The following DOCK1 variants were observed in gnomAD, a reference collection of about 807,000 sequenced individuals.
DOCK1 encodes dedicator of cytokinesis protein 1.
A neutral mutation model predicts 262.7 loss-of-function variants in DOCK1; 138 were observed. That is an observed-to-expected ratio of 0.53 (90% CI 0.46 to 0.61). DOCK1 has a LOEUF of 0.61. Among genes scored for constraint, DOCK1 ranks in the 20% least tolerant of loss-of-function variants. DOCK1 has a pLI of 0.00. For synonymous variants in DOCK1, 866 were observed against 867.4 expected (o/e 1.00, Z 0.03); for missense variants, 1,908 against 2,370.7 (o/e 0.80, Z 4.05).
intron 27 of DOCK1, among the ~76,000 whole-genome samples, chr10:127,187,402 AGAT>A (rs2056371689): frequency 6.6e-6 from 1 of 152,248 alleles, no homozygotes; most frequent in African/African-American, 2.4e-5. Flanking sequence ...CATGCTAAAA[AGAT>A]CTTGAAAAAG....
At chr10:127,052,455 C>G (rs1165101299) in intron 21 of DOCK1, among the ~76,000 whole-genome samples, 1 of 150,374 alleles carries the variant, frequency 6.7e-6, no homozygotes, top group African/African-American at 2.5e-5. Context: ...GCCCGGAAGG[C>G]AGAGGTTGCA....
At chr10:127,380,477 G>A (rs1302651503) in intron 36 of DOCK1, among the ~76,000 whole-genome samples, 1 of 152,144 alleles carries the variant, frequency 6.6e-6, no homozygotes, top group Non-Finnish European at 1.5e-5. Context: ...GAGAAATCCA[G>A]TTATAACTTT....
chr10:127,127,731 C>T lies in DOCK1; in HGVS notation c.2814C>T (p.Thr938=), dbSNP rs764743979. Residue 938 remains threonine (T), a synonymous_variant, in exon 27 of 52, where the codon ACC becomes ACT. Coordinates refer to ENST00000623213, the MANE Select transcript of DOCK1 (RefSeq NM_001290223.2). ...AACTTCTCCGGACCGTGAACCGAAC[C>T]GTCATTTCCATGGGACGAGATTCTG... is the stretch of plus-strand genomic sequence containing the variant. ...MEKLLRTVNR[T]VISMGRDSEL... The T allele has an allele frequency of 8.7e-6, 14 of 1,612,956 alleles. No individual in the cohort carries two copies. The East Asian group carries it at 8.9e-5, about 10-fold the overall frequency.
chr10:127,079,742 C>G (rs1282173063), intron 23 of DOCK1, among the ~76,000 whole-genome samples: 1 of 152,148 alleles, frequency 6.6e-6, no homozygotes, highest in Admixed American at 6.5e-5. Context: ...ATCAGCCTGA[C>G]CAATGTGGTG....
At chr10:127,217,470 G>T (rs1026213432) in intron 27 of DOCK1, among the ~76,000 whole-genome samples, 1 of 152,146 alleles carries the variant, frequency 6.6e-6, no homozygotes, top group African/African-American at 2.4e-5. Context: ...GAGACCTTGA[G>T]CTCCTAAGAT....
chr10:127,265,277 C>T (rs932565876), intron 29 of DOCK1, among the ~76,000 whole-genome samples: 10 of 152,250 alleles, frequency 6.6e-5, no homozygotes, highest in Non-Finnish European at 4.4e-5. Flanking sequence ...GTTCTATCTG[C>T]AATCAATTAA....
chr10:127,031,658 A>G lies in DOCK1; in HGVS notation c.1633A>G (p.Lys545Glu). The change falls in exon 17 of 52, where the codon AAA becomes GAA. Residue 545 changes from lysine (K) to glutamate (E), a missense_variant. Lys to Glu is a moderately conservative substitution (Grantham distance 56). Around this residue, in one of 9 missense-constraint regions of DOCK1, gnomAD observed 294 missense variants for 439.9 expected, o/e 0.67. Transcript: ENST00000623213. ...RHRSSQDSKDKSEKIFALAFV... is the reference protein window; with the variant it reads ...RHRSSQDSKDESEKIFALAFV... ...TGTTTTTTGTTTTACAGCTAAGGAT[A>G]AATCTGAGAAAATATTTGCACTAGC... The G allele has an allele frequency of 6.2e-7, 1 of 1,609,294 alleles. No homozygotes were observed. Among genetic ancestry groups the G allele is most frequent in the Non-Finnish European group, 8.5e-7 (1 of 1,179,208 alleles).
chr10:127,153,362 G>C (rs2052695945), intron 27 of DOCK1, among the ~76,000 whole-genome samples: 1 of 152,172 alleles, frequency 6.6e-6, no homozygotes, highest in Non-Finnish European at 1.5e-5. Flanking sequence ...AACAGCTGTA[G>C]GGGCTCTGGA....
At chr10:127,349,179 T>C (rs1002401543) in intron 31 of DOCK1, among the ~76,000 whole-genome samples, 1 of 151,932 alleles carries the variant, frequency 6.6e-6, no homozygotes, top group Non-Finnish European at 1.5e-5. Context: ...TTTAGGTCCA[T>C]CTCAGCCCTT....
At chr10:127,258,378 A>G (rs1329440048) in intron 29 of DOCK1, among the ~76,000 whole-genome samples, 2 of 152,258 alleles carry the variant, frequency 1.3e-5, no homozygotes, top group Non-Finnish European at 1.5e-5. Context: ...AAAATGTTAC[A>G]TAAGTGTAAT....
intron 47 of DOCK1, 43 bp from the exon 48 acceptor site, chr10:127,433,240 C>A (rs2069422891): frequency 6.2e-7 from 1 of 1,605,104 alleles, no homozygotes; most frequent in African/African-American, 1.3e-5. Flanking sequence ...ATGGCAGGCA[C>A]AGGCATCAAA....
intron 33 of DOCK1, among the ~76,000 whole-genome samples, chr10:127,362,961 CCCCACAT>C (rs2064640549): frequency 4.0e-5 from 1 of 24,756 alleles, no homozygotes; most frequent in African/African-American, 1.6e-4. Flanking sequence ...ACATGTGCAT[CCCCACAT>C]ACACATACAC....
chr10:127,397,440 TGAGTTA>T, intron 38 of DOCK1, among the ~76,000 whole-genome samples: 1 of 146,714 alleles, frequency 6.8e-6, no homozygotes, highest in African/African-American at 2.6e-5. Context: ...GATCTGAGCA[TGAGTTA>T]CAAGGGCAGT....
At chr10:127,073,191 T>G (rs1248204353) in intron 23 of DOCK1, among the ~76,000 whole-genome samples, 1 of 152,262 alleles carries the variant, frequency 6.6e-6, no homozygotes, top group Non-Finnish European at 1.5e-5. Context: ...AGGTATTGCA[T>G]GCTTATAGGT....
chr10:127,451,837 A>C lies in DOCK1; in HGVS notation c.*410A>C. Reference sequence around the variant, plus strand: ...GGAAGCTGTGTAGTGATGATGTATAAGAATCCTCCTCACTGTCATGGGATG... The same window carrying C: ...GGAAGCTGTGTAGTGATGATGTATACGAATCCTCCTCACTGTCATGGGATG... On this transcript the variant is annotated 3_prime_UTR_variant, in exon 52 of 52. Transcript: ENST00000623213. The C allele has an allele frequency of 4.7e-6, 1 of 211,426 alleles. No homozygotes were observed. Among genetic ancestry groups the C allele is most frequent in the South Asian group, 8.1e-5 (1 of 12,400 alleles). The allele number at this position is 211,426 out of a possible 1,614,324, so 13.1% of individuals were successfully genotyped here. A position where few individuals can be genotyped will look rare whatever the true frequency, so the allele number is the denominator to read the frequency against.
rs1222361357 is a variant in DOCK1, at chr10:127,027,603, C to CA, written c.1624+1187dup. ...CCTGTCTCAAAAACAAAAAGCAAAA[C>CA]AAAAAAAACATTAAACCTTCCTCCT... On this transcript the variant is annotated intron_variant, in intron 16 of 51. Coordinates refer to ENST00000623213, the MANE Select transcript of DOCK1 (RefSeq NM_001290223.2). Among the ~76,000 whole-genome samples the CA allele has an allele frequency of 1.5e-3, 14 of 9,310 alleles. 1 individual carries two copies. Among genetic ancestry groups the CA allele is most frequent in the Admixed American group, 3.8e-3 (3 of 798 alleles). 6.1% of individuals were successfully genotyped at this position (9,310 alleles called of 152,430 possible). A position where few individuals can be genotyped will look rare whatever the true frequency, so the allele number is the denominator to read the frequency against.
chr10:127,319,112 C>T (rs369272217), intron 29 of DOCK1, among the ~76,000 whole-genome samples: 2 of 152,178 alleles, frequency 1.3e-5, no homozygotes, highest in African/African-American at 4.8e-5. Flanking sequence ...GAAAAGAAAA[C>T]GAAGAAATCA....
At position 127,384,846 on chromosome 10, in the gene DOCK1, C is replaced by T. The variant is rs1565046224; in HGVS notation, c.3864C>T (p.Thr1288=). 6.2e-7 allele frequency: 1 copy of T among 1,609,450 alleles called. No individual in the cohort carries two copies. The highest frequency in any genetic ancestry group is 1.3e-5 in the African/African-American group (1 of 74,674). ...CCCAGCGGGACGGGTACCAGGCCAC[C>T]ACGCAGGGACAGCTGAAGGAGCAGC... ...HLTQRDGYQA[T]TQGQLKEQLY... is the part of the protein sequence containing the mutation. Residue 1288 remains threonine (T), a synonymous_variant, in exon 38 of 52, where the codon ACC becomes ACT. Transcript: ENST00000623213.
intron 31 of DOCK1, among the ~76,000 whole-genome samples, chr10:127,347,989 C>T (rs2063724414): frequency 6.7e-6 from 1 of 149,356 alleles, no homozygotes; most frequent in African/African-American, 2.5e-5. Context: ...GGAAACCTGC[C>T]TGCTCCATCC....
Sources: allele counts gnomAD v4.1 joint callset (sites outside exome capture counted in the v4.1 genomes callset), GRCh38; gene constraint gnomAD v4.1.1; regional missense constraint gnomAD v4.1.1; transcripts MANE v1.5; gene names NCBI Gene and HGNC (gene_info 2026-07-23, HGNC 2026-07-21).